Variants in SH3GL3 observed in about 807,000 individuals in gnomAD.
The protein encoded by SH3GL3 is endophilin-A3.
In SH3GL3, 33 loss-of-function variants were observed where a neutral mutation model predicts 47.7. That is an observed-to-expected ratio of 0.69 (90% confidence interval 0.52 to 0.92). SH3GL3 has a LOEUF of 0.92. SH3GL3 is among the 40% of genes least tolerant of loss of function. The probability of loss-of-function intolerance (pLI) is 0.00; values close to 1 mark genes in which losing one functional copy is unlikely to be tolerated. For missense variants in SH3GL3, 363 were observed against 417.8 expected (o/e 0.87, Z 1.14); for synonymous variants, 155 against 148.8 (o/e 1.04, Z -0.30).
intron 5 of SH3GL3, 66 bp downstream of exon 5, chr15:83,572,764 A>T: frequency 8.4e-7 from 1 of 1,190,076 alleles, no homozygotes; most frequent in Non-Finnish European, 1.2e-6. Flanking sequence ...TAAAATCACT[A>T]GAACGTTTCA....
At chr15:83,571,376 C>G (rs940315688) in intron 4 of SH3GL3, among the ~76,000 whole-genome samples, 10 of 152,058 alleles carry the variant, frequency 6.6e-5, no homozygotes, top group Non-Finnish European at 1.5e-4. Context: ...ACCATTTGGG[C>G]AGGAAAGAGT....
chr15:83,578,072 A>G (rs1007465633), intron 6 of SH3GL3, among the ~76,000 whole-genome samples: 4 of 151,628 alleles, frequency 2.6e-5, no homozygotes, highest in Admixed American at 2.0e-4. Flanking sequence ...TATCCCTCAG[A>G]AGTGCCAATC....
intron 1 of SH3GL3, among the ~76,000 whole-genome samples, chr15:83,529,823 T>C (rs1290454290): frequency 6.6e-6 from 1 of 152,010 alleles, no homozygotes; most frequent in Non-Finnish European, 1.5e-5. Context: ...GTAACAGCAA[T>C]GATGACAGTG....
intron 2 of SH3GL3, among the ~76,000 whole-genome samples, chr15:83,560,259 G>A (rs1302682850): frequency 3.3e-5 from 5 of 152,180 alleles, no homozygotes; most frequent in Admixed American, 1.3e-4. Flanking sequence ...CGCACTGCCT[G>A]GGAGAGTATC....
At chr15:83,571,733 A>G (rs552366675) in intron 4 of SH3GL3, among the ~76,000 whole-genome samples, 5 of 152,266 alleles carry the variant, frequency 3.3e-5, no homozygotes, top group South Asian at 2.1e-4. Flanking sequence ...GAGCAACCCA[A>G]TCTCCATCTT....
intron 1 of SH3GL3, among the ~76,000 whole-genome samples, chr15:83,450,830 G>C (rs1310049190): frequency 2.0e-5 from 1 of 51,214 alleles, no homozygotes; most frequent in Non-Finnish European, 3.6e-5. Context: ...TATACTCTAA[G>C]TTTTAGGGTA....
intron 8 of SH3GL3, among the ~76,000 whole-genome samples, chr15:83,606,720 A>G (rs1055216881): frequency 2.0e-5 from 3 of 152,192 alleles, no homozygotes; most frequent in Non-Finnish European, 4.4e-5. Flanking sequence ...TCTTAGTTGT[A>G]TGAGTTGGGG....
chr15:83,549,715 G>A (rs1370456072), intron 1 of SH3GL3, among the ~76,000 whole-genome samples: 1 of 152,146 alleles, frequency 6.6e-6, no homozygotes. Flanking sequence ...TAGCTTGTCA[G>A]GTTTGCTTCT....
At chr15:83,461,590 A>T (rs1399842718) in intron 1 of SH3GL3, among the ~76,000 whole-genome samples, 1 of 152,054 alleles carries the variant, frequency 6.6e-6, no homozygotes, top group African/African-American at 2.4e-5. Flanking sequence ...ATTAAAAAAA[A>T]CTATTCGTGA....
chr15:83,447,553 A>G lies in SH3GL3; in HGVS notation c.20A>G (p.Lys7Arg), dbSNP rs1457828090. Reference sequence around the variant, plus strand: ...GTCGCGATGTCGGTGGCCGGGCTGAAGAAGCAGTTCCACAAAGCCAGCCAG... The same window carrying G: ...GTCGCGATGTCGGTGGCCGGGCTGAGGAAGCAGTTCCACAAAGCCAGCCAG... MSVAGLKKQFHKASQLF... is the reference protein window; with the variant it reads MSVAGLRKQFHKASQLF... The change falls in exon 1 of 9, where the codon AAG becomes AGG. Residue 7 changes from lysine to arginine, a missense_variant. Physicochemically the swap from Lys to Arg is conservative, Grantham distance 26 (BLOSUM62 2). Coordinates refer to ENST00000427482, the MANE Select transcript of SH3GL3 (RefSeq NM_003027.5). The surrounding 1 kb of genome is among the most constrained non-coding windows in gnomAD (Gnocchi z 5.1). The G allele has an allele frequency of 6.0e-6, 9 of 1,506,230 alleles. No homozygotes were observed. The highest frequency in any genetic ancestry group is 2.9e-5 in the African/African-American group (2 of 69,144). The allele number at this position is 1,506,230 out of a possible 1,614,324, so 93.3% of individuals were successfully genotyped here.
At chr15:83,479,623 C>G (rs1232873489) in intron 1 of SH3GL3, among the ~76,000 whole-genome samples, 1 of 152,194 alleles carries the variant, frequency 6.6e-6, no homozygotes, top group Admixed American at 6.5e-5. Context: ...CGTTAAGTCC[C>G]TGGCACTTCC....
chr15:83,539,296 C>T (rs2044055629), intron 1 of SH3GL3, among the ~76,000 whole-genome samples: 1 of 152,118 alleles, frequency 6.6e-6, no homozygotes, highest in African/African-American at 2.4e-5. Flanking sequence ...TAAGGGCCTT[C>T]CTGGTTCACA....
At chr15:83,450,636 G>T (rs2039697184) in intron 1 of SH3GL3, among the ~76,000 whole-genome samples, 1 of 148,202 alleles carries the variant, frequency 6.7e-6, no homozygotes, top group Admixed American at 6.7e-5. Context: ...AAAATGAGAA[G>T]AATATAAGTT....
intron 1 of SH3GL3, among the ~76,000 whole-genome samples, chr15:83,547,493 C>T (rs574809633): frequency 1.3e-5 from 2 of 152,242 alleles, no homozygotes; most frequent in African/African-American, 4.8e-5. Context: ...TTCCTATCCT[C>T]TTCAGTGCCT....
intron 1 of SH3GL3, among the ~76,000 whole-genome samples, chr15:83,467,828 T>A (rs6602979): frequency 0.3 from 45,670 of 152,032 alleles, 7,138 homozygotes; most frequent in Admixed American, 0.4. Flanking sequence ...TTCTTTTCTT[T>A]TTTTATTTTA....
intron 4 of SH3GL3, among the ~76,000 whole-genome samples, chr15:83,571,202 G>A (rs568883321): frequency 6.6e-6 from 1 of 152,324 alleles, no homozygotes; most frequent in South Asian, 2.1e-4. Context: ...GCAAGGAGAG[G>A]GAATGTTGAT....
chr15:83,620,241 C>T (rs1485462805), downstream of SH3GL3, among the ~76,000 whole-genome samples: 1 of 152,206 alleles, frequency 6.6e-6, no homozygotes, highest in African/African-American at 2.4e-5. Context: ...TTATTCTAAA[C>T]TCCTGTTAAT....
At chr15:83,581,520 G>C (rs2059827611) in intron 6 of SH3GL3, among the ~76,000 whole-genome samples, 1 of 152,216 alleles carries the variant, frequency 6.6e-6, no homozygotes. Context: ...AAAGCCAGAT[G>C]ACACACGATC....
At chr15:83,597,681 C>G (rs568566016) in intron 8 of SH3GL3, among the ~76,000 whole-genome samples, 75 of 151,928 alleles carry the variant, frequency 4.9e-4, no homozygotes, top group African/African-American at 1.8e-3. Context: ...ACGATCTCGG[C>G]TCACTGCAAC....
Sources: allele counts gnomAD v4.1 joint callset (sites outside exome capture counted in the v4.1 genomes callset), GRCh38; gene constraint gnomAD v4.1.1; non-coding constraint Gnocchi (gnomAD v3.1); transcripts MANE v1.5; gene names NCBI Gene and HGNC (gene_info 2026-07-23, HGNC 2026-07-21).